Variants in GRAMD2B observed in about 807,000 individuals in gnomAD.
GRAMD2B encodes GRAM domain containing 2B, also known as GRAM domain-containing protein 2B.
A neutral mutation model predicts 59.2 loss-of-function variants in GRAMD2B; 41 were observed. That is an observed-to-expected ratio of 0.69 (90% CI 0.54 to 0.90). GRAMD2B has a LOEUF of 0.90. Ranked by LOEUF, GRAMD2B falls within the 40% of genes least tolerant of loss-of-function variation. The pLI is 0.00. For missense variants in GRAMD2B, 424 were observed against 500.5 expected, an observed-to-expected ratio of 0.85 and a Z score of 1.46; for synonymous variants, 161 against 182.7, an observed-to-expected ratio of 0.88 and a Z score of 0.96.
At chr5:126,430,207 A>G (rs1248723399) in intron 1 of GRAMD2B, among the ~76,000 whole-genome samples, 2 of 152,198 alleles carry the variant, frequency 1.3e-5, no homozygotes, top group African/African-American at 4.8e-5. Flanking sequence ...TGAGAAGAGA[A>G]GCAGAACCAA....
At chr5:126,387,809 G>GA (rs1756311095) in intron 1 of GRAMD2B, among the ~76,000 whole-genome samples, 1 of 151,988 alleles carries the variant, frequency 6.6e-6, no homozygotes, top group East Asian at 1.9e-4. Flanking sequence ...TCCTTCTGGG[G>GA]AAAAAATGAA....
chr5:126,435,532 T>C (rs1302995651), intron 1 of GRAMD2B, among the ~76,000 whole-genome samples: 1 of 152,186 alleles, frequency 6.6e-6, no homozygotes, highest in Non-Finnish European at 1.5e-5. Flanking sequence ...CTTGCTTTGC[T>C]CTTTCCTTCT....
At chr5:126,381,756 G>GT (rs996609613) in intron 1 of GRAMD2B, among the ~76,000 whole-genome samples, 34 of 151,470 alleles carry the variant, frequency 2.2e-4, no homozygotes, top group African/African-American at 7.5e-4. Context: ...ATACCTTGGG[G>GT]TTTTTTTTCA....
At chr5:126,430,678 T>A (rs904880750) in intron 1 of GRAMD2B, among the ~76,000 whole-genome samples, 1 of 152,178 alleles carries the variant, frequency 6.6e-6, no homozygotes, top group Non-Finnish European at 1.5e-5. Flanking sequence ...TAAATATATG[T>A]CTTTTCACAA....
At chr5:126,372,188 CA>C (rs1754818660) in intron 1 of GRAMD2B, among the ~76,000 whole-genome samples, 1 of 152,102 alleles carries the variant, frequency 6.6e-6, no homozygotes, top group Non-Finnish European at 1.5e-5. Flanking sequence ...ATTTATTTTT[CA>C]AATTCTTTAT....
intron 1 of GRAMD2B, among the ~76,000 whole-genome samples, chr5:126,451,786 G>T (rs1174292728): frequency 1.3e-5 from 2 of 152,186 alleles, no homozygotes; most frequent in Non-Finnish European, 2.9e-5. Flanking sequence ...CCTGGTAGAA[G>T]ATGATTGGAT....
At chr5:126,392,828 A>G (rs1756957052) in intron 1 of GRAMD2B, among the ~76,000 whole-genome samples, 1 of 152,194 alleles carries the variant, frequency 6.6e-6, no homozygotes, top group Non-Finnish European at 1.5e-5. Context: ...GATCTCTCGC[A>G]TGTGCAGTTC....
intron 1 of GRAMD2B, among the ~76,000 whole-genome samples, chr5:126,449,083 G>A (rs546256762): frequency 6.6e-6 from 1 of 152,324 alleles, no homozygotes; most frequent in African/African-American, 2.4e-5. Flanking sequence ...TGCGTTTCAA[G>A]TCCAGATAGA....
upstream of GRAMD2B, among the ~76,000 whole-genome samples, chr5:126,370,341 G>A (rs746074731): frequency 1.6e-4 from 25 of 152,182 alleles, no homozygotes; most frequent in Non-Finnish European, 2.4e-4. Flanking sequence ...CTAAAGGTTT[G>A]CTTTGATTTC....
intron 1 of GRAMD2B, among the ~76,000 whole-genome samples, chr5:126,405,039 T>C (rs1347437591): frequency 6.6e-6 from 1 of 151,854 alleles, no homozygotes; most frequent in Non-Finnish European, 1.5e-5. Context: ...TGGTAGATCA[T>C]GGATTTAAAC....
chr5:126,426,631 C>T (rs1760663309), intron 1 of GRAMD2B, among the ~76,000 whole-genome samples: 1 of 152,204 alleles, frequency 6.6e-6, no homozygotes, highest in African/African-American at 2.4e-5. Flanking sequence ...ACCCAACCAA[C>T]AGTCACTTTC....
chr5:126,435,611 A>G (rs985223454), intron 1 of GRAMD2B, among the ~76,000 whole-genome samples: 3 of 152,124 alleles, frequency 2.0e-5, no homozygotes, highest in Non-Finnish European at 2.9e-5. Context: ...TTTGGTCTTC[A>G]GTTTCCTCCT....
At chr5:126,399,341 T>C (rs1447621526) in intron 1 of GRAMD2B, among the ~76,000 whole-genome samples, 3 of 152,184 alleles carry the variant, frequency 2.0e-5, no homozygotes, top group Non-Finnish European at 4.4e-5. Context: ...TCATCTTGAA[T>C]TGTAATCCCC....
At chr5:126,367,432 TGGAGGA>T (rs70994862), upstream of GRAMD2B, among the ~76,000 whole-genome samples, 2,933 of 140,734 alleles carry the variant, frequency 0.021, 90 homozygotes, top group African/African-American at 0.074. Flanking sequence ...CTGTAAAAAC[TGGAGGA>T]GGAGGAGGAG....
chr5:126,415,011 G>T (rs72782491), intron 1 of GRAMD2B, among the ~76,000 whole-genome samples: 3 of 152,094 alleles, frequency 2.0e-5, no homozygotes, highest in Non-Finnish European at 4.4e-5. Context: ...GCAATCTAGG[G>T]CCCTTTCCTT....
In GRAMD2B at chr5:126,486,886, A is replaced by G. The variant is rs763928420; in HGVS notation, c.1072A>G (p.Ile358Val). 7 of 1,609,316 alleles carry G rather than the reference A, an allele frequency of 4.3e-6. No individual in the cohort carries two copies. The highest frequency in any genetic ancestry group is 6.0e-6 in the Non-Finnish European group (7 of 1,175,998). Reference protein sequence around the residue: ...IFYAIVVCALIISTFYMRYRI... With the variant: ...IFYAIVVCALVISTFYMRYRI... Reference sequence around the variant, plus strand: ...ATCCGTTTCCAGTGTCTGTGCACTAATCATCTCGACCTTCTACATGAGATA... The same window carrying G: ...ATCCGTTTCCAGTGTCTGTGCACTAGTCATCTCGACCTTCTACATGAGATA... Residue 358 changes from isoleucine (I) to valine (V), a missense_variant, in exon 12 of 14, where the codon ATC becomes GTC. Transcript: ENST00000285689.
intron 1 of GRAMD2B, among the ~76,000 whole-genome samples, chr5:126,410,640 G>A (rs960288830): frequency 1.3e-5 from 2 of 151,898 alleles, no homozygotes; most frequent in African/African-American, 4.8e-5. Context: ...TGGTAGTTCT[G>A]TTTTAAGTTC....
At chr5:126,464,400 A>G (rs965526241) in intron 1 of GRAMD2B, among the ~76,000 whole-genome samples, 1 of 152,150 alleles carries the variant, frequency 6.6e-6, no homozygotes, top group Non-Finnish European at 1.5e-5. Context: ...TGATCCATAA[A>G]TAACATTTTG....
At chr5:126,367,287 G>A (rs1754500770), upstream of GRAMD2B, among the ~76,000 whole-genome samples, 1 of 151,936 alleles carries the variant, frequency 6.6e-6, no homozygotes, top group African/African-American at 2.4e-5. Context: ...TTCTAACTTC[G>A]CTTATTTGTA....
Sources: allele counts gnomAD v4.1 joint callset (sites outside exome capture counted in the v4.1 genomes callset), GRCh38; gene constraint gnomAD v4.1.1; transcripts MANE v1.5; gene names NCBI Gene and HGNC (gene_info 2026-07-23, HGNC 2026-07-21).